MAP1LC3B: variants seen among roughly 807,000 people sequenced by gnomAD.
MAP1LC3B encodes the protein microtubule-associated protein 1 light chain 3 beta.
In MAP1LC3B, 12 loss-of-function variants were observed where a neutral mutation model predicts 16.7. That is an observed-to-expected ratio of 0.72 (90% confidence interval 0.46 to 1.16). The LOEUF (loss-of-function observed/expected upper bound fraction) is 1.16, where lower values mean the gene tolerates loss of function less well. Ranked by LOEUF, MAP1LC3B falls within the 50% of genes most tolerant of loss-of-function variation. The pLI, the probability that MAP1LC3B is intolerant of heterozygous loss-of-function variation, is 0.00. For synonymous variants in MAP1LC3B, 63 were observed against 56.5 expected (o/e 1.11, Z -0.51); for missense variants, 155 against 159.5 (o/e 0.97, Z 0.15).
chr16:87,394,416 G>A (rs1038604245), intron 1 of MAP1LC3B, among the ~76,000 whole-genome samples: 1 of 152,206 alleles, frequency 6.6e-6, no homozygotes, highest in Non-Finnish European at 1.5e-5. Context: ...CCTAAGATAA[G>A]CCCCAGTTAG....
At chr16:87,400,623 T>C (rs1907958528) in intron 2 of MAP1LC3B, among the ~76,000 whole-genome samples, 1 of 152,104 alleles carries the variant, frequency 6.6e-6, no homozygotes, top group South Asian at 2.1e-4. Context: ...TCATGTCAAC[T>C]AGACAGTCTC....
At chr16:87,401,334 T>C (rs1352537278) in intron 2 of MAP1LC3B, among the ~76,000 whole-genome samples, 1 of 152,170 alleles carries the variant, frequency 6.6e-6, no homozygotes, top group Non-Finnish European at 1.5e-5. Flanking sequence ...GCCAAGTATC[T>C]TCCCCCACTT....
At position 87,403,833 on chromosome 16, in the gene MAP1LC3B, G is replaced by A. The variant is rs543665690; in HGVS notation, c.*736G>A. 1 of 152,324 alleles carries A rather than the reference G, an allele frequency of 6.6e-6. No individual in the cohort carries two copies. The highest frequency in any genetic ancestry group is 2.1e-4 in the South Asian group (1 of 4,828). 9.4% of individuals were successfully genotyped at this position (152,324 alleles called of 1,614,324 possible). On this transcript the variant is annotated 3_prime_UTR_variant, in exon 4 of 4. Transcript: ENST00000268607. ...ATCGAGTTTCTTAAAAGACCCTGGA[G>A]AAAGAGTGGCATTTCTTCTGTTTCA...
chr16:87,400,114 C>G (rs1033460699), intron 2 of MAP1LC3B: 1 of 150,038 alleles, frequency 6.7e-6, no homozygotes, highest in Non-Finnish European at 1.4e-5. Flanking sequence ...ATATGTGTTC[C>G]CTGTGTAGTT....
chr16:87,395,962 G>C (rs1225895331), intron 1 of MAP1LC3B, among the ~76,000 whole-genome samples: 1 of 144,332 alleles, frequency 6.9e-6, no homozygotes, highest in South Asian at 2.2e-4. Context: ...CTGGGTTCAA[G>C]TGATTCTCCT....
chr16:87,403,501 G>A lies in MAP1LC3B; in HGVS notation c.*404G>A, dbSNP rs9903. 0.13 allele frequency: 20,705 copies of A among 164,450 alleles called. 1,767 individuals are homozygous for A. The highest frequency in any genetic ancestry group is 0.42 in the East Asian group (2,282 of 5,398). 10.2% of individuals were successfully genotyped at this position (164,450 alleles called of 1,614,324 possible). On this transcript the variant is annotated 3_prime_UTR_variant, in exon 4 of 4. Transcript: ENST00000268607. ...TCTCTTCAGGTTCACAAAACCCGCCGCCTTTTTGGGTAGAAGTTTTCTACT... is the reference window on the plus strand; with the variant it reads ...TCTCTTCAGGTTCACAAAACCCGCCACCTTTTTGGGTAGAAGTTTTCTACT...
At chr16:87,395,339 C>G (rs1907761053) in intron 1 of MAP1LC3B, among the ~76,000 whole-genome samples, 1 of 152,198 alleles carries the variant, frequency 6.6e-6, no homozygotes, top group Non-Finnish European at 1.5e-5. Context: ...TTGATGAACT[C>G]TCTTCTGTGT....
At position 87,392,404 on chromosome 16, in the gene MAP1LC3B, C is replaced by A. The variant is rs781472539; in HGVS notation, c.-24C>A. On this transcript the variant is annotated 5_prime_UTR_variant, in exon 1 of 4. Coordinates refer to ENST00000268607, the MANE Select transcript of MAP1LC3B (RefSeq NM_022818.5). ...GCCGGGACCCTCGCGTCGTCGCCGC[C>A]GCCGCCGCCCAGATCCCTGCACCAT... The A allele has an allele frequency of 2.1e-6, 3 of 1,421,020 alleles. No homozygotes were observed. The highest frequency in any genetic ancestry group is 3.0e-5 in the African/African-American group (2 of 66,136). The allele number at this position is 1,421,020 out of a possible 1,614,324, so 88.0% of individuals were successfully genotyped here.
chr16:87,398,087 A>G (rs773940052), intron 1 of MAP1LC3B, among the ~76,000 whole-genome samples: 26 of 151,818 alleles, frequency 1.7e-4, no homozygotes, highest in Non-Finnish European at 2.5e-4. Context: ...CAGTGGTGCA[A>G]TGTCCGCTCA....
At chr16:87,398,954 A>G in intron 2 of MAP1LC3B, 84 bp downstream of exon 2, 2 of 1,229,182 alleles carry the variant, frequency 1.6e-6, no homozygotes, top group Non-Finnish European at 2.4e-6. Flanking sequence ...ACGGGTTTTT[A>G]CAGGAATCAC....
At chr16:87,398,352 A>G (rs1036073198) in intron 1 of MAP1LC3B, among the ~76,000 whole-genome samples, 2 of 152,234 alleles carry the variant, frequency 1.3e-5, no homozygotes, top group Non-Finnish European at 2.9e-5. Flanking sequence ...CTTAGGCACC[A>G]TATCATTAAA....
intron 1 of MAP1LC3B, 55 bp from the exon 2 acceptor site, chr16:87,398,760 T>C (rs1907888820): frequency 1.3e-6 from 2 of 1,528,112 alleles, no homozygotes; most frequent in South Asian, 2.2e-5. Flanking sequence ...GCAGCAGTGC[T>C]GGGAAGAAGC....
chr16:87,394,354 G>A (rs1907725818), intron 1 of MAP1LC3B, among the ~76,000 whole-genome samples: 1 of 152,160 alleles, frequency 6.6e-6, no homozygotes. Context: ...TCAGACATGT[G>A]TAGCACAGTA....
chr16:87,397,428 T>A (rs1441322538), intron 1 of MAP1LC3B, among the ~76,000 whole-genome samples: 1 of 151,968 alleles, frequency 6.6e-6, no homozygotes, highest in East Asian at 2.0e-4. Flanking sequence ...ACCATCCTGG[T>A]TAACAGGGTG....
chr16:87,398,390 C>T (rs1425040005), intron 1 of MAP1LC3B, among the ~76,000 whole-genome samples: 2 of 152,184 alleles, frequency 1.3e-5, no homozygotes, highest in African/African-American at 4.8e-5. Context: ...GGAAAAATTG[C>T]ATTTCCTGGT....
intron 1 of MAP1LC3B, among the ~76,000 whole-genome samples, chr16:87,393,773 C>G (rs564287360): frequency 7.2e-5 from 11 of 152,286 alleles, no homozygotes; most frequent in African/African-American, 2.6e-4. Flanking sequence ...CAGGGTCTCA[C>G]TCTGTCACCT....
Position 87,402,991 on chromosome 16 carries a change from T to C in MAP1LC3B, c.272T>C (p.Val91Ala). ...LLVNGHSMVS[V>A]STPISEVYES... ...GTGAACGGACACAGCATGGTCAGCG[T>C]CTCCACACCAATCTCAGAGGTGTAT... The change falls in exon 4 of 4, where the codon GTC becomes GCC. Residue 91 changes from valine to alanine, a missense_variant. By Grantham distance (64) the Val-to-Ala change is moderately conservative. Transcript: ENST00000268607. 6.2e-7 allele frequency: 1 copy of C among 1,613,984 alleles called. No homozygotes were observed. Among genetic ancestry groups the C allele is most frequent in the Non-Finnish European group, 8.5e-7 (1 of 1,179,902 alleles).
chr16:87,402,162 G>C lies in MAP1LC3B; in HGVS notation c.97-13G>C, dbSNP rs778256377. 2 of 1,613,762 alleles carry C rather than the reference G, an allele frequency of 1.2e-6. No homozygotes were observed. Among genetic ancestry groups the C allele is most frequent in the South Asian group, 2.2e-5 (2 of 91,040 alleles). On this transcript the variant is annotated splice_polypyrimidine_tract_variant and intron_variant, in intron 2 of 3. Coordinates refer to ENST00000268607, the MANE Select transcript of MAP1LC3B (RefSeq NM_022818.5). ...GATGACTATTTTAAAATCACTTCTG[G>C]CTTCTTTTCCAGGTGATAATAGAAC...
In MAP1LC3B at chr16:87,392,563, G is replaced by A. The variant is rs746742323; in HGVS notation, c.40+96G>A. 7.8e-4 allele frequency: 886 copies of A among 1,132,002 alleles called. 16 individuals carry two copies. The highest frequency in any genetic ancestry group is 2.2e-4 in the South Asian group (5 of 22,800). 70.1% of individuals were successfully genotyped at this position (1,132,002 alleles called of 1,614,324 possible). The stretch of plus-strand genomic sequence containing the variant: ...GGACGCCGTGAGGGGTCGGGGCCGA[G>A]CCGGGAGGCCGAGCGGGGCCGGTGG... On this transcript the variant is annotated intron_variant, in intron 1 of 3. Transcript: ENST00000268607.
Sources: allele counts gnomAD v4.1 joint callset (sites outside exome capture counted in the v4.1 genomes callset), GRCh38; gene constraint gnomAD v4.1.1; transcripts MANE v1.5; gene names NCBI Gene and HGNC (gene_info 2026-07-23, HGNC 2026-07-21).